ARHGAP28: variants seen among roughly 807,000 people sequenced by gnomAD.
ARHGAP28 encodes Rho GTPase activating protein 28.
Under a neutral mutation model 90.7 loss-of-function variants are expected in ARHGAP28, and 56 were observed. The ratio of observed to expected loss-of-function variants is 0.62; its 90% CI spans 0.50 to 0.77. ARHGAP28 has a LOEUF of 0.77. Ranked by LOEUF, ARHGAP28 falls within the 30% of genes least tolerant of loss-of-function variation. ARHGAP28 has a pLI of 0.00. For missense variants in ARHGAP28, 869 were observed against 900.9 expected, an observed-to-expected ratio of 0.96 and a Z score of 0.45; for synonymous variants, 308 against 323.3, an observed-to-expected ratio of 0.95 and a Z score of 0.51.
At chr18:6,795,231 T>C (rs949076746) in intron 1 of ARHGAP28, among the ~76,000 whole-genome samples, 4 of 152,126 alleles carry the variant, frequency 2.6e-5, no homozygotes, top group African/African-American at 7.2e-5. Context: ...GCGTTTTCAT[T>C]GATTCTCCTA....
At chr18:6,768,326 T>G (rs1254293839) in intron 1 of ARHGAP28, among the ~76,000 whole-genome samples, 1 of 152,218 alleles carries the variant, frequency 6.6e-6, no homozygotes, top group Non-Finnish European at 1.5e-5. Context: ...ATGTAGTTTT[T>G]TAGTTAATGC....
chr18:6,903,785 C>T (rs1320873575), intron 16 of ARHGAP28, among the ~76,000 whole-genome samples: 4 of 142,642 alleles, frequency 2.8e-5, no homozygotes, highest in African/African-American at 5.2e-5. Flanking sequence ...GCCGAGATCA[C>T]GCCACTGCAC....
rs1259367409 is a variant in ARHGAP28, at chr18:6,913,033, G to A, written c.*879G>A. 2 of 152,140 alleles carry A rather than the reference G, an allele frequency of 1.3e-5. No individual in the cohort carries two copies. Among genetic ancestry groups the A allele is most frequent in the Admixed American group, 6.5e-5 (1 of 15,276 alleles). 9.4% of individuals were successfully genotyped at this position (152,140 alleles called of 1,614,324 possible). A position where few individuals can be genotyped will look rare whatever the true frequency, so the allele number is the denominator to read the frequency against. ...CCATTTTTTATATTTCACAACTATA[G>A]ACAGTCACTTCTGCAGTCCCAATTT... On this transcript the variant is annotated 3_prime_UTR_variant, in exon 18 of 18. Transcript: ENST00000383472.
intron 1 of ARHGAP28, among the ~76,000 whole-genome samples, chr18:6,778,596 C>G (rs925342107): frequency 4.6e-5 from 7 of 152,202 alleles, no homozygotes; most frequent in Admixed American, 1.3e-4. Context: ...GGCAAACCCT[C>G]TTTAATCCTT....
At chr18:6,792,908 A>G (rs2056416414) in intron 1 of ARHGAP28, among the ~76,000 whole-genome samples, 1 of 152,154 alleles carries the variant, frequency 6.6e-6, no homozygotes. Flanking sequence ...CCTACTTACA[A>G]ATGAAATCTG....
chr18:6,909,418 T>G (rs1249688718), intron 17 of ARHGAP28, among the ~76,000 whole-genome samples: 1 of 151,430 alleles, frequency 6.6e-6, no homozygotes, highest in Admixed American at 6.6e-5. Flanking sequence ...TCAGCCTCCC[T>G]AGTAGCTGGG....
chr18:6,903,072 A>C (rs1244496703), intron 16 of ARHGAP28, among the ~76,000 whole-genome samples: 2 of 152,198 alleles, frequency 1.3e-5, no homozygotes, highest in African/African-American at 4.8e-5. Flanking sequence ...AAGGATAAAC[A>C]CTATGTGACG....
rs145900806 is a variant in ARHGAP28, at chr18:6,769,638, A to G, written c.122+39695A>G. Among the ~76,000 whole-genome samples, 187 of 152,326 alleles carry G rather than the reference A, an allele frequency of 1.2e-3. 1 individual carries two copies. Among genetic ancestry groups the G allele is most frequent in the African/African-American group, 4.3e-3 (179 of 41,584 alleles). On this transcript the variant is annotated intron_variant, in intron 1 of 17. Transcript: ENST00000383472. ...GAAATTTGCTCAAGATCATGCACCT[A>G]TGTTGTGCCAAAGCCAGGATTTGCA...
chr18:6,745,144 C>T (rs749170356), intron 1 of ARHGAP28, among the ~76,000 whole-genome samples: 1 of 152,108 alleles, frequency 6.6e-6, no homozygotes, highest in Non-Finnish European at 1.5e-5. Context: ...AAAACACACA[C>T]ACATACATTT....
chr18:6,823,759 T>A (rs2056641952), intron 1 of ARHGAP28, among the ~76,000 whole-genome samples: 1 of 151,880 alleles, frequency 6.6e-6, no homozygotes, highest in African/African-American at 2.4e-5. Flanking sequence ...CCTTCTTTTA[T>A]TTTTTTTGAA....
chr18:6,843,570 T>C (rs1200753270), intron 3 of ARHGAP28, among the ~76,000 whole-genome samples: 1 of 152,234 alleles, frequency 6.6e-6, no homozygotes, highest in African/African-American at 2.4e-5. Flanking sequence ...TTAATGGAAA[T>C]GTTCAGTGGT....
intron 1 of ARHGAP28, among the ~76,000 whole-genome samples, chr18:6,773,348 T>C (rs1437890362): frequency 6.6e-6 from 1 of 152,130 alleles, no homozygotes; most frequent in Non-Finnish European, 1.5e-5. Context: ...ATAAATTAGC[T>C]CCTTTTACTA....
chr18:6,800,151 A>G (rs2056471432), intron 1 of ARHGAP28, among the ~76,000 whole-genome samples: 1 of 152,234 alleles, frequency 6.6e-6, no homozygotes, highest in African/African-American at 2.4e-5. Context: ...AACCAAAACC[A>G]CAATGAGATA....
chr18:6,774,528 G>A (rs996668205), intron 1 of ARHGAP28, among the ~76,000 whole-genome samples: 2 of 152,166 alleles, frequency 1.3e-5, no homozygotes, highest in Non-Finnish European at 2.9e-5. Flanking sequence ...GTTAAAATGT[G>A]TTCTTAATAG....
intron 1 of ARHGAP28, among the ~76,000 whole-genome samples, chr18:6,752,808 G>T (rs2056080346): frequency 6.6e-6 from 1 of 152,058 alleles, no homozygotes; most frequent in Non-Finnish European, 1.5e-5. Flanking sequence ...GACCACCCCT[G>T]GTCACAGTTC....
At chr18:6,786,038 GTC>G (rs1187355839) in intron 1 of ARHGAP28, among the ~76,000 whole-genome samples, 3 of 152,210 alleles carry the variant, frequency 2.0e-5, no homozygotes, top group Non-Finnish European at 4.4e-5. Context: ...CTGAGGAGAT[GTC>G]TGTTTGAAAT....
At chr18:6,855,444 C>G (rs1376992319) in intron 4 of ARHGAP28, among the ~76,000 whole-genome samples, 3 of 152,198 alleles carry the variant, frequency 2.0e-5, no homozygotes, top group Admixed American at 6.5e-5. Context: ...TTCAGGATGA[C>G]CTGTTTGCCG....
chr18:6,795,891 T>G (rs1251003478), intron 1 of ARHGAP28, among the ~76,000 whole-genome samples: 3 of 152,188 alleles, frequency 2.0e-5, no homozygotes, highest in Non-Finnish European at 4.4e-5. Context: ...CAAGGGAAGT[T>G]TTAAAACATA....
intron 1 of ARHGAP28, among the ~76,000 whole-genome samples, chr18:6,735,742 A>T (rs1332961955): frequency 1.3e-5 from 2 of 151,894 alleles, no homozygotes; most frequent in African/African-American, 4.8e-5. Context: ...TTTTGTGGAG[A>T]TGGAGTTTTG....
Sources: allele counts gnomAD v4.1 joint callset (sites outside exome capture counted in the v4.1 genomes callset), GRCh38; gene constraint gnomAD v4.1.1; transcripts MANE v1.5; gene names NCBI Gene and HGNC (gene_info 2026-07-23, HGNC 2026-07-21).